Variants in ZNF845 observed in about 807,000 individuals in gnomAD.
ZNF845 encodes zinc finger protein 845.
Under a neutral mutation model 76.1 loss-of-function variants are expected in ZNF845, and 59 were observed. That is an observed-to-expected ratio of 0.78 (90% CI 0.63 to 0.96). ZNF845 has a LOEUF of 0.96. Ranked by LOEUF, ZNF845 falls within the 40% of genes least tolerant of loss-of-function variation. The probability of loss-of-function intolerance (pLI) is 0.00; values close to 1 mark genes in which losing one functional copy is unlikely to be tolerated. For missense variants in ZNF845, 1,045 were observed against 1,172.8 expected (o/e 0.89, Z 1.59); for synonymous variants, 361 against 386.9 (o/e 0.93, Z 0.78).
chr19:53,337,191 C>T (rs991747464), intron 1 of ZNF845: 2 of 454,052 alleles, frequency 4.4e-6, no homozygotes, highest in African/African-American at 4.2e-5. Flanking sequence ...TCTCAGGTTG[C>T]TGTCCCTGCT....
In ZNF845 at chr19:53,352,859, C is replaced by A; in HGVS notation, c.2184C>A (p.Phe728Leu). The A allele has an allele frequency of 6.2e-7, 1 of 1,613,386 alleles. No homozygotes were observed. Among genetic ancestry groups the A allele is most frequent in the Non-Finnish European group, 8.5e-7 (1 of 1,179,822 alleles). The part of the protein sequence containing the change: ...PYKCNECGKA[F>L]SQKSSLTCHL... ...AGTGTAATGAGTGTGGCAAGGCCTT[C>A]AGTCAGAAGTCATCCCTTACATGCC... The change falls in exon 4 of 4, where the codon TTC (phenylalanine) becomes TTA (leucine). Residue 728 changes from phenylalanine to leucine, a missense_variant. By Grantham distance (22) the Phe-to-Leu change is conservative. Transcript: ENST00000458035.
intron 1 of ZNF845, 52 bp from the exon 2 acceptor site, chr19:53,341,183 C>A: frequency 7.1e-7 from 1 of 1,416,758 alleles, no homozygotes; most frequent in Non-Finnish European, 9.8e-7. Flanking sequence ...ATTGTGTTAA[C>A]GGAGGGGGTG....
chr19:53,350,475 A>G (rs978287639), intron 3 of ZNF845, among the ~76,000 whole-genome samples: 53 of 152,284 alleles, frequency 3.5e-4, no homozygotes, highest in African/African-American at 1.2e-3. Flanking sequence ...TATGAAGAAT[A>G]TATGCTTTTC....
chr19:53,340,234 T>C (rs550261383), intron 1 of ZNF845, among the ~76,000 whole-genome samples: 5 of 152,298 alleles, frequency 3.3e-5, no homozygotes, highest in African/African-American at 9.6e-5. Context: ...GTATTTTTGG[T>C]AGAGACAGGG....
In ZNF845 at chr19:53,352,036, T is replaced by C; in HGVS notation, c.1361T>C (p.Leu454Pro). ...CDEAFSFKSN[L>P]ERHRRIHTGE... ...GAAGCTTTCAGTTTCAAATCGAACC[T>C]TGAAAGACATAGGAGAATTCATACT... The change falls in exon 4 of 4, where the codon CTT becomes CCT. Residue 454 changes from leucine (L) to proline (P), a missense_variant. By Grantham distance (98) the Leu-to-Pro change is moderately conservative (BLOSUM62 -3). Coordinates refer to ENST00000458035, the MANE Select transcript of ZNF845 (RefSeq NM_138374.3). 1.9e-6 allele frequency: 3 copies of C among 1,613,782 alleles called. No individual in the cohort carries two copies. Among genetic ancestry groups the C allele is most frequent in the Non-Finnish European group, 2.5e-6 (3 of 1,179,920 alleles).
Position 53,348,140 on chromosome 19 carries a change from G to A in ZNF845, c.142+2508G>A, listed in dbSNP as rs149505843. On this transcript the variant is annotated intron_variant, in intron 3 of 3. Transcript: ENST00000458035. Reference sequence around the variant, plus strand: ...CAGGAGGTGGAGGTTGCAGTGAGCCGACATTGTGCCACTTCACTCCATCCC... The same window carrying A: ...CAGGAGGTGGAGGTTGCAGTGAGCCAACATTGTGCCACTTCACTCCATCCC... Among the ~76,000 whole-genome samples, 8 of 152,220 alleles carry A rather than the reference G, an allele frequency of 5.3e-5. No individual in the cohort carries two copies. In the East Asian group the frequency reaches 7.7e-4, roughly 15 times the overall value.
intron 3 of ZNF845, among the ~76,000 whole-genome samples, chr19:53,348,925 C>T (rs1467956499): frequency 7.3e-6 from 1 of 137,172 alleles, no homozygotes; most frequent in Non-Finnish European, 1.5e-5. Flanking sequence ...GATGCGATCT[C>T]GTCTCACTGC....
chr19:53,340,132 A>G (rs2085245685), intron 1 of ZNF845, among the ~76,000 whole-genome samples: 1 of 152,054 alleles, frequency 6.6e-6, no homozygotes, highest in East Asian at 1.9e-4. Flanking sequence ...GCTCACTGCA[A>G]CCTCTGCCTC....
At chr19:53,336,436 G>A (rs967759494) in intron 1 of ZNF845, among the ~76,000 whole-genome samples, 1 of 152,042 alleles carries the variant, frequency 6.6e-6, no homozygotes, top group African/African-American at 2.4e-5. Context: ...CATGAACTTG[G>A]GAGGTAGAGG....
At chr19:53,346,260 G>T in intron 3 of ZNF845, 3 of 281,800 alleles carry the variant, frequency 1.1e-5, no homozygotes, top group Non-Finnish European at 2.2e-5. Flanking sequence ...GCGTTTAATT[G>T]CTTTTTTGTG....
chr19:53,352,942 T>C lies in ZNF845; in HGVS notation c.2267T>C (p.Phe756Ser). 1 of 1,614,106 alleles carries C rather than the reference T, an allele frequency of 6.2e-7. No individual in the cohort carries two copies. Among genetic ancestry groups the C allele is most frequent in the Non-Finnish European group, 8.5e-7 (1 of 1,180,004 alleles). Reference sequence around the variant, plus strand: ...AAATGTGAAGAATGTGACAAAGTTTTCAGTCGCAAATCAAGCCTTGAAAAA... The same window carrying C: ...AAATGTGAAGAATGTGACAAAGTTTCCAGTCGCAAATCAAGCCTTGAAAAA... The part of the protein sequence containing the change: ...PYKCEECDKV[F>S]SRKSSLEKHR... Residue 756 changes from phenylalanine (F) to serine (S), a missense_variant, in exon 4 of 4, where the codon TTC becomes TCC. Physicochemically the swap from Phe to Ser is radical, Grantham distance 155. Transcript: ENST00000458035.
Position 53,353,470 on chromosome 19 carries a change from T to C in ZNF845, c.2795T>C (p.Ile932Thr), listed in dbSNP as rs774274990. Residue 932 changes from isoleucine to threonine, a missense_variant, in exon 4 of 4, where the codon ATT becomes ACT. Coordinates refer to ENST00000458035, the MANE Select transcript of ZNF845 (RefSeq NM_138374.3). ...TTCCGTCACAATTCAGTCCTTGTAA[T>C]TCATAAGACAATTCATACTGGAGAG... ...KTFRHNSVLVIHKTIHTGEKP... is the reference protein window; with the variant it reads ...KTFRHNSVLVTHKTIHTGEKP... The C allele has an allele frequency of 1.2e-6, 2 of 1,612,358 alleles. No individual in the cohort carries two copies. Among genetic ancestry groups the C allele is most frequent in the South Asian group, 2.2e-5 (2 of 90,968 alleles).
At chr19:53,339,741 C>T (rs992477228) in intron 1 of ZNF845, among the ~76,000 whole-genome samples, 1 of 152,204 alleles carries the variant, frequency 6.6e-6, no homozygotes, top group African/African-American at 2.4e-5. Context: ...ACTAGTATCA[C>T]TCAGTCATTC....
chr19:53,341,121 G>A (rs537132133), intron 1 of ZNF845, 114 bp from the exon 2 acceptor site: 1 of 986,584 alleles, frequency 1.0e-6, no homozygotes, highest in South Asian at 1.7e-5. Context: ...TGGTACAGTG[G>A]GCAGCAGAGG....
Position 53,333,772 on chromosome 19 carries a change from A to G in ZNF845, c.-94A>G, listed in dbSNP as rs1599962075. On this transcript the variant is annotated 5_prime_UTR_variant, in exon 1 of 4. Coordinates refer to ENST00000458035, the MANE Select transcript of ZNF845 (RefSeq NM_138374.3). ...GCAAACCCGGAAGCGGATCGCATGGAGTGATGGTCCCACCGCAGCGGTGAG... is the reference window on the plus strand; with the variant it reads ...GCAAACCCGGAAGCGGATCGCATGGGGTGATGGTCCCACCGCAGCGGTGAG... The G allele has an allele frequency of 6.3e-6, 1 of 159,898 alleles. No individual in the cohort carries two copies. The highest frequency in any genetic ancestry group is 1.6e-3 in the Middle Eastern group (1 of 640). The allele number at this position is 159,898 out of a possible 1,614,324, so 9.9% of individuals were successfully genotyped here. A position where few individuals can be genotyped will look rare whatever the true frequency, so the allele number is the denominator to read the frequency against.
rs370384044 is a variant in ZNF845, at chr19:53,341,275, C to T, written c.-33C>T. Reference sequence around the variant, plus strand: ...ACTCTTGGTACGTGAGGAAGAAACCCGGAAGAGGAAGAGGAAAGCAAAGGA... The same window carrying T: ...ACTCTTGGTACGTGAGGAAGAAACCTGGAAGAGGAAGAGGAAAGCAAAGGA... On this transcript the variant is annotated 5_prime_UTR_variant, in exon 2 of 4. Coordinates refer to ENST00000458035, the MANE Select transcript of ZNF845 (RefSeq NM_138374.3). 4.5e-5 allele frequency: 72 copies of T among 1,613,368 alleles called. No individual in the cohort carries two copies. In the African/African-American group the frequency reaches 6.8e-4, roughly 15 times the overall value.
chr19:53,334,693 G>T (rs1351454434), intron 1 of ZNF845, among the ~76,000 whole-genome samples: 1 of 150,478 alleles, frequency 6.6e-6, no homozygotes, highest in South Asian at 2.1e-4. Flanking sequence ...TTGAGTCCAG[G>T]AGTTCAAGAC....
At chr19:53,339,251 TTATC>T (rs1324081390) in intron 1 of ZNF845, among the ~76,000 whole-genome samples, 1 of 152,142 alleles carries the variant, frequency 6.6e-6, no homozygotes, top group Non-Finnish European at 1.5e-5. Flanking sequence ...AAAGCTGTAT[TTATC>T]CTCACAGGAT....
At position 53,341,294 on chromosome 19, in the gene ZNF845, C is replaced by CA; in HGVS notation, c.-11dup. The CA allele has an allele frequency of 6.2e-7, 1 of 1,613,934 alleles. No homozygotes were observed. The highest frequency in any genetic ancestry group is 1.1e-5 in the South Asian group (1 of 91,066). ...GAAACCCGGAAGAGGAAGAGGAAAG[C>CA]AAAGGAGTCAGGGATGGCTCTTTCT... On this transcript the variant is annotated 5_prime_UTR_variant, in exon 2 of 4. Coordinates refer to ENST00000458035, the MANE Select transcript of ZNF845 (RefSeq NM_138374.3).
Sources: gnomAD v4.1 joint callset for allele counts (sites outside exome capture counted in the v4.1 genomes callset) on GRCh38, gnomAD v4.1.1 for gene constraint, MANE v1.5 for transcripts, NCBI Gene and HGNC (gene_info 2026-07-23, HGNC 2026-07-21) for gene names.